CCSER1: variants seen among roughly 807,000 people sequenced by gnomAD.
CCSER1 encodes coiled-coil serine rich protein 1, also known as serine-rich coiled-coil domain-containing protein 1.
CCSER1 carries 41 observed loss-of-function variants against 82.0 expected under a neutral mutation model. That is an observed-to-expected ratio of 0.50 (90% CI 0.39 to 0.65). CCSER1 has a LOEUF of 0.65. CCSER1 is among the 30% of genes least tolerant of loss of function. The pLI is 0.00. For missense variants in CCSER1, 1,119 were observed against 1,064.2 expected (o/e 1.05, Z -0.72); for synonymous variants, 414 against 383.9 (o/e 1.08, Z -0.92).
At chr4:90,687,098 C>CT (rs1734948357) in intron 6 of CCSER1, among the ~76,000 whole-genome samples, 1 of 152,118 alleles carries the variant, frequency 6.6e-6, no homozygotes, top group South Asian at 2.1e-4. Flanking sequence ...TTTACAATGA[C>CT]TAGAAGAAAA....
chr4:90,626,632 A>T (rs1334001364), intron 5 of CCSER1, among the ~76,000 whole-genome samples: 1 of 152,194 alleles, frequency 6.6e-6, no homozygotes, highest in African/African-American at 2.4e-5. Context: ...GTTGTGGTTT[A>T]GAGCTAAGTA....
chr4:91,409,325 C>A (rs1752889197), intron 10 of CCSER1, among the ~76,000 whole-genome samples: 1 of 152,038 alleles, frequency 6.6e-6, no homozygotes, highest in Non-Finnish European at 1.5e-5. Context: ...TATCTTATAA[C>A]CTTGATTTAC....
Position 91,061,520 on chromosome 4 carries a change from G to C in CCSER1, c.2173-24430G>C, listed in dbSNP as rs1743952234. 2.0e-5 allele frequency among the ~76,000 whole-genome samples: 3 copies of C among 151,920 alleles called. No homozygotes were observed. The South Asian group carries it at 6.2e-4, about 31-fold the overall frequency. On this transcript the variant is annotated intron_variant, in intron 9 of 10. Transcript: ENST00000509176. ...GAAGAAATATCCAGCTAGGAGAAAG[G>C]TGTTGTTTTTATTTTATTTTATTTT...
At chr4:91,061,614 G>A (rs771557068) in intron 9 of CCSER1, among the ~76,000 whole-genome samples, 17 of 151,950 alleles carry the variant, frequency 1.1e-4, no homozygotes, top group Middle Eastern at 3.4e-3. Flanking sequence ...CATTTCACTC[G>A]ATTGCCCAAA....
intron 8 of CCSER1, among the ~76,000 whole-genome samples, chr4:90,889,291 C>A (rs868152446): frequency 6.6e-6 from 1 of 152,216 alleles, no homozygotes; most frequent in East Asian, 1.9e-4. Flanking sequence ...CCTTAATTAT[C>A]TACTGGGTGT....
chr4:90,471,133 A>C, intron 5 of CCSER1, among the ~76,000 whole-genome samples: 1 of 152,092 alleles, frequency 6.6e-6, no homozygotes, highest in East Asian at 1.9e-4. Context: ...TAATGCATGT[A>C]TCTTTATTTC....
chr4:90,158,784 C>G (rs1228107824), intron 1 of CCSER1, among the ~76,000 whole-genome samples: 3 of 152,140 alleles, frequency 2.0e-5, no homozygotes, highest in Non-Finnish European at 2.9e-5. Context: ...GTCTGTCACC[C>G]CTTTCTTTGA....
intron 1 of CCSER1, among the ~76,000 whole-genome samples, chr4:90,130,790 A>T (rs1379636058): frequency 6.6e-6 from 1 of 151,396 alleles, no homozygotes. Context: ...CGCCCAGCTA[A>T]ATTTTGAATT....
intron 1 of CCSER1, among the ~76,000 whole-genome samples, chr4:90,229,868 C>T (rs1347683258): frequency 3.3e-5 from 5 of 152,060 alleles, no homozygotes; most frequent in Admixed American, 6.6e-5. Flanking sequence ...TCAAAAGAGA[C>T]AAAGAAGGCC....
intron 10 of CCSER1, among the ~76,000 whole-genome samples, chr4:91,114,103 C>G (rs1198643333): frequency 6.6e-6 from 1 of 152,136 alleles, no homozygotes; most frequent in Admixed American, 6.5e-5. Flanking sequence ...CCGCCCGTCT[C>G]GGCCTCCCGA....
intron 10 of CCSER1, among the ~76,000 whole-genome samples, chr4:91,102,081 C>T (rs1725124686): frequency 6.6e-6 from 1 of 152,150 alleles, no homozygotes; most frequent in Admixed American, 6.6e-5. Flanking sequence ...GACAGAGGAG[C>T]TCGTGCAGAT....
chr4:90,871,217 T>A (rs986879129), intron 8 of CCSER1, among the ~76,000 whole-genome samples: 3 of 151,856 alleles, frequency 2.0e-5, no homozygotes, highest in African/African-American at 7.2e-5. Flanking sequence ...CTTCAGCTAA[T>A]TTTACATTTG....
intron 6 of CCSER1, among the ~76,000 whole-genome samples, chr4:90,709,394 C>A (rs1292867934): frequency 6.6e-6 from 1 of 152,000 alleles, no homozygotes; most frequent in Non-Finnish European, 1.5e-5. Flanking sequence ...AGGTATTAAG[C>A]CCAGGATCCA....
chr4:91,359,797 G>A (rs539025342), intron 10 of CCSER1, among the ~76,000 whole-genome samples: 4 of 151,878 alleles, frequency 2.6e-5, no homozygotes, highest in South Asian at 2.1e-4. Context: ...AGCAGTAATC[G>A]TTAACAAGAG....
At chr4:91,406,641 T>C (rs1752720165) in intron 10 of CCSER1, among the ~76,000 whole-genome samples, 1 of 152,234 alleles carries the variant, frequency 6.6e-6, no homozygotes, top group Admixed American at 6.5e-5. Flanking sequence ...GTTTTTAATA[T>C]AGCTGACAAT....
chr4:90,674,181 G>A (rs1436139529), intron 6 of CCSER1, among the ~76,000 whole-genome samples: 1 of 151,950 alleles, frequency 6.6e-6, no homozygotes, highest in Non-Finnish European at 1.5e-5. Context: ...AAATGGAGAG[G>A]AGGGAAATCT....
chr4:90,808,811 A>T (rs1010407640), intron 7 of CCSER1, among the ~76,000 whole-genome samples: 2 of 152,164 alleles, frequency 1.3e-5, no homozygotes, highest in African/African-American at 4.8e-5. Context: ...AATTAGTACA[A>T]CCTCTGGAAA....
intron 9 of CCSER1, among the ~76,000 whole-genome samples, chr4:90,971,950 A>C (rs1331898164): frequency 1.3e-5 from 2 of 151,940 alleles, no homozygotes; most frequent in African/African-American, 4.8e-5. Context: ...ACACCTTCTC[A>C]TGATAAATAC....
chr4:90,220,076 T>C (rs578209623), intron 1 of CCSER1, among the ~76,000 whole-genome samples: 1 of 152,274 alleles, frequency 6.6e-6, no homozygotes, highest in South Asian at 2.1e-4. Flanking sequence ...TAAGATGCCT[T>C]GAGAGAAAAT....
Sources: gnomAD v4.1 joint callset for allele counts (sites outside exome capture counted in the v4.1 genomes callset) on GRCh38, gnomAD v4.1.1 for gene constraint, MANE v1.5 for transcripts, NCBI Gene and HGNC (gene_info 2026-07-23, HGNC 2026-07-21) for gene names.